Variants in TRIM36 observed in about 807,000 individuals in gnomAD.
The protein encoded by TRIM36 is E3 ubiquitin-protein ligase TRIM36.
In TRIM36, 42 loss-of-function variants were observed where a neutral mutation model predicts 72.4. That is an observed-to-expected ratio of 0.58 (90% confidence interval 0.45 to 0.75). TRIM36 has a LOEUF of 0.75. TRIM36 is among the 30% of genes least tolerant of loss of function. The probability of loss-of-function intolerance (pLI) is 0.00; values close to 1 mark genes in which losing one functional copy is unlikely to be tolerated. For synonymous variants in TRIM36, 315 were observed against 282.8 expected (o/e 1.11, Z -1.14); for missense variants, 913 against 857.1 (o/e 1.07, Z -0.81).
Position 115,169,595 on chromosome 5 carries a change from C to T in TRIM36, c.27+13G>A. 5.3e-6 allele frequency: 8 copies of T among 1,520,888 alleles called. No individual in the cohort carries two copies. The highest frequency in any genetic ancestry group is 7.0e-6 in the Non-Finnish European group (8 of 1,139,966). The allele number at this position is 1,520,888 out of a possible 1,614,324, so 94.2% of individuals were successfully genotyped here. On this transcript the variant is annotated intron_variant, in intron 1 of 9. Transcript: ENST00000513154. ...GCCCTCGAGGTGGGGGCGGCGGTCC[C>T]CTCCGCACTCACCGGCGAATCTGAG...
intron 4 of TRIM36, among the ~76,000 whole-genome samples, chr5:115,141,774 G>C (rs568736578): frequency 6.6e-6 from 1 of 151,704 alleles, no homozygotes; most frequent in South Asian, 2.1e-4. Flanking sequence ...AAACACCCAC[G>C]TGCACACACA....
chr5:115,157,648 T>C (rs1390710751), intron 2 of TRIM36, among the ~76,000 whole-genome samples: 1 of 151,996 alleles, frequency 6.6e-6, no homozygotes, highest in Non-Finnish European at 1.5e-5. Flanking sequence ...AAGCAGTCAT[T>C]ATACAAAAAA....
At chr5:115,144,300 T>C (rs1367706851) in intron 4 of TRIM36, among the ~76,000 whole-genome samples, 2 of 152,154 alleles carry the variant, frequency 1.3e-5, no homozygotes, top group Non-Finnish European at 2.9e-5. Flanking sequence ...ATACATCCAT[T>C]ATCATAGACA....
intron 1 of TRIM36, among the ~76,000 whole-genome samples, chr5:115,167,767 C>G (rs73251575): frequency 0.026 from 3,950 of 152,346 alleles, 175 homozygotes; most frequent in African/African-American, 0.09. Flanking sequence ...TCCAAAGTCA[C>G]TTCCACATTG....
At chr5:115,165,819 G>C (rs1754741499) in intron 1 of TRIM36, among the ~76,000 whole-genome samples, 1 of 152,092 alleles carries the variant, frequency 6.6e-6, no homozygotes, top group African/African-American at 2.4e-5. Flanking sequence ...TCCCCCACAT[G>C]CTCAGAAGTG....
At chr5:115,177,665 A>G (rs1755396664) in intron 1 of TRIM36, 5 of 1,601,584 alleles carry the variant, frequency 3.1e-6, no homozygotes, top group Non-Finnish European at 4.3e-6. Context: ...AGTGGTAGGA[A>G]ATAAGCTTAC....
In TRIM36 at chr5:115,141,360, C is replaced by A; in HGVS notation, c.750G>T (p.Lys250Asn). The change falls in exon 5 of 10, where the codon AAG (lysine) becomes AAT (asparagine). Residue 250 changes from lysine (K) to asparagine (N), a missense_variant. Transcript: ENST00000513154. ...CCTTACCAATAAGGTAATCAATATC[C>A]TTTGAAAGCTTTTCCTGTTGAAACA... The part of the protein sequence containing the change: ...AYKTLKEKLS[K>N]DIDYLIGKES... 1 of 1,590,386 alleles carries A rather than the reference C, an allele frequency of 6.3e-7. No individual in the cohort carries two copies. The highest frequency in any genetic ancestry group is 8.5e-7 in the Non-Finnish European group (1 of 1,172,656).
At chr5:115,153,315 G>C (rs1207401989) in intron 2 of TRIM36, among the ~76,000 whole-genome samples, 1 of 150,266 alleles carries the variant, frequency 6.7e-6, no homozygotes, top group East Asian at 1.9e-4. Flanking sequence ...ATGATAAAAG[G>C]CCTTGTCCAA....
At chr5:115,152,070 C>T (rs531628521) in intron 2 of TRIM36, among the ~76,000 whole-genome samples, 1 of 151,918 alleles carries the variant, frequency 6.6e-6, no homozygotes, top group Admixed American at 6.6e-5. Flanking sequence ...CTAAGCTAAT[C>T]GAGGAGACAC....
chr5:115,169,529 C>T (rs545513844), intron 1 of TRIM36, 79 bp downstream of exon 1: 23 of 1,437,526 alleles, frequency 1.6e-5, no homozygotes, highest in Admixed American at 2.2e-5. Context: ...TCCCTCCGGG[C>T]TCCCGGCGGA....
intron 3 of TRIM36, among the ~76,000 whole-genome samples, chr5:115,145,709 A>G (rs1166608776): frequency 6.6e-6 from 1 of 152,160 alleles, no homozygotes; most frequent in Non-Finnish European, 1.5e-5. Flanking sequence ...TAACTTATAG[A>G]CATTTAAAAG....
At chr5:115,139,065 T>G (rs1315131489) in intron 5 of TRIM36, among the ~76,000 whole-genome samples, 4 of 151,930 alleles carry the variant, frequency 2.6e-5, no homozygotes, top group African/African-American at 9.7e-5. Flanking sequence ...ATGATCTGCC[T>G]GCCTCGGCCT....
At chr5:115,151,446 C>A (rs746428023) in intron 2 of TRIM36, among the ~76,000 whole-genome samples, 3 of 152,136 alleles carry the variant, frequency 2.0e-5, no homozygotes, top group Non-Finnish European at 4.4e-5. Context: ...TCCCTACCTA[C>A]CCTGGTAACT....
At chr5:115,128,758 C>CAAAAAAAAAAAAAAAAAAAAAAAAAAA (rs58384978) in intron 9 of TRIM36, among the ~76,000 whole-genome samples, 1 of 47,014 alleles carries the variant, frequency 2.1e-5, no homozygotes, top group Non-Finnish European at 4.1e-5. Context: ...GACTCCGTCT[C>CAAAAAAAAAAAAAAAAAAAAAAAAAAA]AAAAAAAAAA....
Position 115,147,399 on chromosome 5 carries a change from G to GT in TRIM36, c.263-6dup. 6.2e-7 allele frequency: 1 copy of GT among 1,606,724 alleles called. No homozygotes were observed. Among genetic ancestry groups the GT allele is most frequent in the Non-Finnish European group, 8.5e-7 (1 of 1,173,876 alleles). ...TCAATGAATTGCGCTTCCAGCCTGT[G>GT]TAATTAGTAAGTCTTTGTTTAGTTA... On this transcript the variant is annotated splice_polypyrimidine_tract_variant and splice_region_variant and intron_variant, in intron 2 of 9. Coordinates refer to ENST00000513154, the MANE Select transcript of TRIM36 (RefSeq NM_001300759.2).
chr5:115,170,469 G>A (rs933935483), upstream of TRIM36, among the ~76,000 whole-genome samples: 1 of 152,126 alleles, frequency 6.6e-6, no homozygotes, highest in African/African-American at 2.4e-5. Flanking sequence ...AGAGCTGCGC[G>A]AGGCGACCAG....
chr5:115,128,089 T>TGGGG (rs33958940), intron 9 of TRIM36, among the ~76,000 whole-genome samples: 157 of 146,592 alleles, frequency 1.1e-3, no homozygotes, highest in Admixed American at 3.5e-3. Flanking sequence ...TAAAAAAAAT[T>TGGGG]GGGGGGGGCC....
At chr5:115,149,642 T>TTAA (rs749449678) in intron 2 of TRIM36, 1 of 98,514 alleles carries the variant, frequency 1.0e-5, no homozygotes, top group East Asian at 3.0e-4. Context: ...TTTTACAGTG[T>TTAA]AAAAAAAAAA....
intron 8 of TRIM36, among the ~76,000 whole-genome samples, chr5:115,131,227 A>T (rs1011419792): frequency 2.6e-5 from 4 of 152,214 alleles, no homozygotes; most frequent in Non-Finnish European, 5.9e-5. Context: ...TATTAAAGAT[A>T]AAAAATAATA....
Sources: gnomAD v4.1 joint callset for allele counts (sites outside exome capture counted in the v4.1 genomes callset) on GRCh38, gnomAD v4.1.1 for gene constraint, MANE v1.5 for transcripts, NCBI Gene and HGNC (gene_info 2026-07-23, HGNC 2026-07-21) for gene names.